The following KIF3B variants were observed in gnomAD, a reference collection of about 807,000 sequenced individuals.
The protein encoded by KIF3B is kinesin family member 3B.
Under a neutral mutation model 74.3 loss-of-function variants are expected in KIF3B, and 38 were observed. The ratio of observed to expected loss-of-function variants is 0.51; its 90% confidence interval spans 0.39 to 0.67. The LOEUF (loss-of-function observed/expected upper bound fraction) is 0.67. Ranked by LOEUF, KIF3B falls within the 30% of genes least tolerant of loss-of-function variation. The pLI, the probability that KIF3B is intolerant of heterozygous loss-of-function variation, is 0.00. For synonymous variants in KIF3B, 326 were observed against 342.5 expected, an observed-to-expected ratio of 0.95 and a Z score of 0.53; for missense variants, 649 against 932.0, an observed-to-expected ratio of 0.70 and a Z score of 3.95.
intron 1 of KIF3B, among the ~76,000 whole-genome samples, chr20:32,288,881 T>C (rs1246255788): frequency 1.3e-5 from 2 of 152,202 alleles, no homozygotes; most frequent in Non-Finnish European, 2.9e-5. Context: ...TCAAAAAGCA[T>C]TTAACTCATC....
intron 5 of KIF3B, among the ~76,000 whole-genome samples, chr20:32,322,700 T>G (rs28876427): frequency 2.7e-5 from 1 of 36,434 alleles, no homozygotes; most frequent in Non-Finnish European, 4.4e-5. Context: ...TTATATATAT[T>G]TATATATTTA....
At chr20:32,306,191 G>C (rs1457001387) in intron 1 of KIF3B, among the ~76,000 whole-genome samples, 1 of 151,200 alleles carries the variant, frequency 6.6e-6, no homozygotes, top group Non-Finnish European at 1.5e-5. Flanking sequence ...TCAGGAGATC[G>C]AGACCATCCT....
chr20:32,327,744 A>T, intron 7 of KIF3B, 83 bp downstream of exon 7: 1 of 895,846 alleles, frequency 1.1e-6, no homozygotes, highest in Middle Eastern at 2.3e-4. Context: ...TTCCACTCAG[A>T]GTTCATACCT....
At chr20:32,302,040 G>T (rs2047746806) in intron 1 of KIF3B, among the ~76,000 whole-genome samples, 1 of 152,224 alleles carries the variant, frequency 6.6e-6, no homozygotes, top group African/African-American at 2.4e-5. Context: ...AGGTCTTCAG[G>T]ATGAAGGCGA....
chr20:32,287,055 A>G (rs896839950), intron 1 of KIF3B, among the ~76,000 whole-genome samples: 2 of 152,128 alleles, frequency 1.3e-5, no homozygotes, highest in Non-Finnish European at 2.9e-5. Flanking sequence ...TTACTTGACT[A>G]CTTGCAAGTA....
chr20:32,304,102 C>A (rs969404998), intron 1 of KIF3B, among the ~76,000 whole-genome samples: 4 of 152,088 alleles, frequency 2.6e-5, no homozygotes, highest in Admixed American at 2.6e-4. Context: ...TTACAGAAAA[C>A]GGGTTCAGAG....
chr20:32,283,855 C>G (rs975654753), intron 1 of KIF3B, among the ~76,000 whole-genome samples: 1 of 152,054 alleles, frequency 6.6e-6, no homozygotes, highest in Non-Finnish European at 1.5e-5. Flanking sequence ...ATTGTCCAGG[C>G]GTCTTGGCCA....
At chr20:32,282,607 T>C (rs960508428) in intron 1 of KIF3B, among the ~76,000 whole-genome samples, 3 of 151,532 alleles carry the variant, frequency 2.0e-5, no homozygotes, top group African/African-American at 7.3e-5. Flanking sequence ...GAGCGGCAGG[T>C]GTGGGCTTTG....
intron 5 of KIF3B, among the ~76,000 whole-genome samples, chr20:32,325,762 G>A (rs1373830258): frequency 6.9e-6 from 1 of 144,622 alleles, no homozygotes; most frequent in African/African-American, 2.5e-5. Context: ...CTGCCCTCTG[G>A]GTTCAAGTGA....
intron 1 of KIF3B, among the ~76,000 whole-genome samples, chr20:32,295,483 C>T (rs929462650): frequency 1.3e-5 from 2 of 151,900 alleles, no homozygotes; most frequent in Non-Finnish European, 2.9e-5. Context: ...TTAGTAGAGA[C>T]GGGGTTTCAC....
chr20:32,326,959 G>T, intron 6 of KIF3B, 75 bp downstream of exon 6: 1 of 748,050 alleles, frequency 1.3e-6, no homozygotes, highest in Non-Finnish European at 2.3e-6. Context: ...GAGCCCTCTG[G>T]TCAACAAAGG....
At chr20:32,293,119 TG>T (rs2047701031) in intron 1 of KIF3B, among the ~76,000 whole-genome samples, 1 of 151,938 alleles carries the variant, frequency 6.6e-6, no homozygotes, top group African/African-American at 2.4e-5. Flanking sequence ...TTGGATGTGG[TG>T]GGGTGTGCTT....
At chr20:32,278,720 A>G (rs754403796) in intron 1 of KIF3B, among the ~76,000 whole-genome samples, 6 of 152,234 alleles carry the variant, frequency 3.9e-5, no homozygotes, top group South Asian at 4.1e-4. Flanking sequence ...CAGAAGAAAA[A>G]AGGCATCTTT....
intron 1 of KIF3B, among the ~76,000 whole-genome samples, chr20:32,307,867 C>T (rs879812925): frequency 7.6e-5 from 11 of 144,940 alleles, no homozygotes; most frequent in Non-Finnish European, 1.5e-4. Context: ...TGCAGTGAGC[C>T]GAGATCGTGC....
chr20:32,311,402 A>T (rs2047799867), intron 2 of KIF3B, among the ~76,000 whole-genome samples: 1 of 152,144 alleles, frequency 6.6e-6, no homozygotes, highest in African/African-American at 2.4e-5. Flanking sequence ...AATGAGAATA[A>T]TTATTATGTA....
At chr20:32,280,544 C>G (rs1253442914) in intron 1 of KIF3B, among the ~76,000 whole-genome samples, 7 of 113,774 alleles carry the variant, frequency 6.2e-5, no homozygotes, top group African/African-American at 2.6e-4. Context: ...GAAACCCCAT[C>G]TCTACTAAAA....
chr20:32,320,766 C>T (rs1256650176), intron 5 of KIF3B, among the ~76,000 whole-genome samples: 1 of 152,016 alleles, frequency 6.6e-6, no homozygotes, highest in African/African-American at 2.4e-5. Flanking sequence ...CATGTTGTAG[C>T]ATGTATCAAT....
At chr20:32,286,271 A>T (rs1188328537) in intron 1 of KIF3B, among the ~76,000 whole-genome samples, 1 of 152,182 alleles carries the variant, frequency 6.6e-6, no homozygotes, top group Admixed American at 6.5e-5. Context: ...GTGTGACATA[A>T]ATTAAACAGA....
chr20:32,285,660 A>G (rs1294813822), intron 1 of KIF3B, among the ~76,000 whole-genome samples: 1 of 152,092 alleles, frequency 6.6e-6, no homozygotes, highest in Non-Finnish European at 1.5e-5. Flanking sequence ...TTGCGCATAC[A>G]TATATATATG....
Sources: gnomAD v4.1 joint callset for allele counts (sites outside exome capture counted in the v4.1 genomes callset) on GRCh38, gnomAD v4.1.1 for gene constraint, MANE v1.5 for transcripts, NCBI Gene and HGNC (gene_info 2026-07-23, HGNC 2026-07-21) for gene names.